Variants in COL22A1 observed in about 807,000 individuals in gnomAD.
COL22A1 encodes the protein collagen type XXII alpha 1 chain, also known as collagen alpha-1(XXII) chain.
A neutral mutation model predicts 248.9 loss-of-function variants in COL22A1; 221 were observed. The ratio of observed to expected loss-of-function variants is 0.89; its 90% CI spans 0.80 to 0.99. The LOEUF is 0.99. COL22A1 is among the 50% of genes least tolerant of loss of function. COL22A1 has a pLI of 0.00. For missense variants in COL22A1, 2,240 were observed against 2,179.0 expected (o/e 1.03, Z -0.56); for synonymous variants, 891 against 793.4 (o/e 1.12, Z -2.07).
intron 60 of COL22A1, 73 bp from the exon 61 acceptor site, chr8:138,598,971 T>C: frequency 6.6e-7 from 1 of 1,507,272 alleles, no homozygotes. Flanking sequence ...GCAAAAGGGG[T>C]TCCCCCAGTC....
At chr8:138,740,828 T>G (rs753110492) in intron 22 of COL22A1, among the ~76,000 whole-genome samples, 4 of 152,026 alleles carry the variant, frequency 2.6e-5, no homozygotes, top group Non-Finnish European at 5.9e-5. Context: ...CAGGGTAACA[T>G]CTCTCTGGCA....
Position 138,634,999 on chromosome 8 carries a change from T to C in COL22A1, c.3609+11A>G, listed in dbSNP as rs79497384. On this transcript the variant is annotated intron_variant, in intron 49 of 64. Transcript: ENST00000303045. Reference sequence around the variant, plus strand: ...GGCCGAAAGAGGAGGGGATTAAAGATGATTACTTACTGGTGGCCCAGGGTT... The same window carrying C: ...GGCCGAAAGAGGAGGGGATTAAAGACGATTACTTACTGGTGGCCCAGGGTT... 5.1e-4 allele frequency: 809 copies of C among 1,579,786 alleles called. 3 individuals carry two copies. The African/African-American group carries it at 9.7e-3, about 19-fold the overall frequency.
intron 45 of COL22A1, among the ~76,000 whole-genome samples, chr8:138,653,543 G>A (rs1822944264): frequency 6.6e-6 from 1 of 152,150 alleles, no homozygotes; most frequent in African/African-American, 2.4e-5. Flanking sequence ...GATTGTTTTT[G>A]AGGATTTAAT....
chr8:138,591,705 C>T (rs1215020122), intron 63 of COL22A1, among the ~76,000 whole-genome samples: 1 of 152,188 alleles, frequency 6.6e-6, no homozygotes, highest in African/African-American at 2.4e-5. Context: ...AGCACACACT[C>T]ACATTCAGAA....
chr8:138,833,192 G>T, intron 4 of COL22A1, 42 bp from the exon 5 acceptor site: 2 of 1,382,514 alleles, frequency 1.4e-6, no homozygotes, highest in South Asian at 1.2e-5. Flanking sequence ...GGAGAAGGAA[G>T]AGTATAAGAG....
chr8:138,783,792 A>G (rs1271379668), intron 12 of COL22A1, among the ~76,000 whole-genome samples: 1 of 152,216 alleles, frequency 6.6e-6, no homozygotes, highest in African/African-American at 2.4e-5. Context: ...AACTATGTGG[A>G]AAAAAGTGCA....
chr8:138,694,730 G>A, intron 33 of COL22A1, 96 bp downstream of exon 33: 2 of 1,458,784 alleles, frequency 1.4e-6, no homozygotes, highest in South Asian at 1.2e-5. Flanking sequence ...GCTCCTGGGT[G>A]TGGAATGCAC....
rs531649594 is a variant in COL22A1 at position 138,853,722 on chromosome 8, A to T, written c.659-9564T>A. Reference sequence around the variant, plus strand: ...GTAAGAAAGAAAAGAAAAAGGAAAGACATGTCAGTTACCGAATCCCTAGAT... The same window carrying T: ...GTAAGAAAGAAAAGAAAAAGGAAAGTCATGTCAGTTACCGAATCCCTAGAT... On this transcript the variant is annotated intron_variant, in intron 3 of 64. Coordinates refer to ENST00000303045, the MANE Select transcript of COL22A1 (RefSeq NM_152888.3). 5.9e-5 allele frequency among the ~76,000 whole-genome samples: 9 copies of T among 152,288 alleles called. No homozygotes were observed. The South Asian group carries it at 1.9e-3, about 32-fold the overall frequency.
chr8:138,890,027 C>A (rs1245683133), intron 1 of COL22A1, among the ~76,000 whole-genome samples: 2 of 152,080 alleles, frequency 1.3e-5, no homozygotes, highest in African/African-American at 4.8e-5. Context: ...GTAAAAGTAA[C>A]AGACACCATG....
chr8:138,839,298 C>T (rs1820683290), intron 4 of COL22A1, among the ~76,000 whole-genome samples: 1 of 152,050 alleles, frequency 6.6e-6, no homozygotes, highest in Admixed American at 6.5e-5. Context: ...GATGTCAGGA[C>T]CCACGGCGAG....
intron 3 of COL22A1, among the ~76,000 whole-genome samples, chr8:138,855,660 G>A (rs190683961): frequency 6.6e-6 from 1 of 152,318 alleles, no homozygotes; most frequent in East Asian, 1.9e-4. Flanking sequence ...CACCTTCTGA[G>A]GAGGCCATGC....
intron 22 of COL22A1, among the ~76,000 whole-genome samples, chr8:138,740,749 A>G (rs981413167): frequency 1.3e-5 from 2 of 152,220 alleles, no homozygotes; most frequent in African/African-American, 2.4e-5. Flanking sequence ...GCAAGAGGCC[A>G]GAGAAAGAAA....
intron 34 of COL22A1, among the ~76,000 whole-genome samples, 168 bp from the exon 35 acceptor site, chr8:138,693,867 C>T (rs1827280042): frequency 6.6e-6 from 1 of 152,184 alleles, no homozygotes; most frequent in African/African-American, 2.4e-5. Context: ...CTTTCTGGCC[C>T]TCTGTTGGAG....
At chr8:138,820,303 GA>G (rs966429288) in intron 7 of COL22A1, among the ~76,000 whole-genome samples, 1 of 152,186 alleles carries the variant, frequency 6.6e-6, no homozygotes, top group Non-Finnish European at 1.5e-5. Flanking sequence ...GGCAGTGGGG[GA>G]TGCTCTTGGG....
At chr8:138,636,717 G>C (rs756882455) in intron 48 of COL22A1, 25 bp downstream of exon 48, 34 of 1,585,022 alleles carry the variant, frequency 2.1e-5, no homozygotes, top group Non-Finnish European at 2.9e-5. Flanking sequence ...CAGGGTGAAT[G>C]GTTCCTTATA....
intron 43 of COL22A1, among the ~76,000 whole-genome samples, chr8:138,661,501 T>C (rs749544258): frequency 6.1e-4 from 93 of 152,280 alleles, no homozygotes; most frequent in Middle Eastern, 3.4e-3. Flanking sequence ...CCAGGGACCA[T>C]GAGGATGCAT....
chr8:138,726,164 G>A (rs987924184), intron 23 of COL22A1, among the ~76,000 whole-genome samples: 14 of 151,990 alleles, frequency 9.2e-5, no homozygotes, highest in Admixed American at 7.2e-4. Context: ...GAGGGGGAGG[G>A]CTGGGGAGGG....
chr8:138,661,015 CACGCACAT>C, intron 43 of COL22A1, among the ~76,000 whole-genome samples: 1 of 117,692 alleles, frequency 8.5e-6, no homozygotes, highest in South Asian at 3.1e-4. Flanking sequence ...CAGACACACA[CACGCACAT>C]ACACACACAT....
At chr8:138,630,084 A>C (rs4301456) in intron 50 of COL22A1, among the ~76,000 whole-genome samples, 125,183 of 152,208 alleles carry the variant, frequency 0.82, 54,073 homozygotes, top group Non-Finnish European at 0.96. Flanking sequence ...TTGGCTACTA[A>C]CATAATACCT....
Sources: gnomAD v4.1 joint callset for allele counts (sites outside exome capture counted in the v4.1 genomes callset) on GRCh38, gnomAD v4.1.1 for gene constraint, MANE v1.5 for transcripts, NCBI Gene and HGNC (gene_info 2026-07-23, HGNC 2026-07-21) for gene names.